The following PLPPR5 variants were observed in gnomAD, a reference collection of about 807,000 sequenced individuals.
PLPPR5 encodes phospholipid phosphatase-related protein type 5.
PLPPR5 carries 16 observed loss-of-function variants against 33.9 expected under a neutral mutation model. The ratio of observed to expected loss-of-function variants is 0.47; its 90% confidence interval spans 0.32 to 0.72. PLPPR5 has a LOEUF of 0.72. Among genes scored for constraint, PLPPR5 ranks in the 30% least tolerant of loss-of-function variants. PLPPR5 has a pLI of 0.03. For synonymous variants in PLPPR5, 163 were observed against 150.3 expected (o/e 1.08, Z -0.62); for missense variants, 301 against 406.7 (o/e 0.74, Z 2.23).
intron 3 of PLPPR5, among the ~76,000 whole-genome samples, chr1:98,947,502 C>G (rs950324646): frequency 6.6e-6 from 1 of 152,166 alleles, no homozygotes; most frequent in South Asian, 2.1e-4. Context: ...ATGTGTGTAA[C>G]TGCAAAACAG....
At chr1:98,921,047 G>A (rs192646587) in intron 4 of PLPPR5, among the ~76,000 whole-genome samples, 1 of 152,200 alleles carries the variant, frequency 6.6e-6, no homozygotes. Flanking sequence ...ATAAACATCA[G>A]TAAGTATTTG....
chr1:98,956,198 T>A (rs1570731332), intron 2 of PLPPR5, among the ~76,000 whole-genome samples: 3 of 152,306 alleles, frequency 2.0e-5, no homozygotes, highest in Admixed American at 2.0e-4. Flanking sequence ...ATAAACACAG[T>A]AATCACGTAA....
At chr1:98,945,500 A>G (rs943768418) in intron 3 of PLPPR5, among the ~76,000 whole-genome samples, 5 of 152,184 alleles carry the variant, frequency 3.3e-5, no homozygotes, top group African/African-American at 1.2e-4. Flanking sequence ...TCCAGGAGGT[A>G]GTGTGATGTA....
chr1:98,929,489 T>C (rs760399263), intron 3 of PLPPR5, among the ~76,000 whole-genome samples: 4 of 152,206 alleles, frequency 2.6e-5, no homozygotes, highest in Non-Finnish European at 4.4e-5. Context: ...ACAGAATTTA[T>C]CCTGTAGCTG....
chr1:98,924,833 T>C (rs948441075), intron 3 of PLPPR5, among the ~76,000 whole-genome samples: 1 of 152,208 alleles, frequency 6.6e-6, no homozygotes, highest in African/African-American at 2.4e-5. Flanking sequence ...ATTTTAGGAA[T>C]AGCCTGGTAT....
At chr1:98,976,492 C>T (rs1461289071) in intron 1 of PLPPR5, among the ~76,000 whole-genome samples, 1 of 151,894 alleles carries the variant, frequency 6.6e-6, no homozygotes, top group Non-Finnish European at 1.5e-5. Context: ...AATGGTATTT[C>T]CTAAACCCAC....
chr1:98,963,713 T>C (rs1651330568), intron 1 of PLPPR5, among the ~76,000 whole-genome samples: 1 of 152,160 alleles, frequency 6.6e-6, no homozygotes, highest in South Asian at 2.1e-4. Context: ...CCTGGAGTCC[T>C]ACCACATTCC....
intron 5 of PLPPR5, among the ~76,000 whole-genome samples, chr1:98,900,728 G>A (rs1050413544): frequency 8.5e-5 from 13 of 152,052 alleles, no homozygotes; most frequent in South Asian, 2.1e-4. Context: ...GAGAAGAATC[G>A]GAGGATGTGG....
chr1:98,936,983 C>A (rs562625696), intron 3 of PLPPR5, among the ~76,000 whole-genome samples: 1 of 152,168 alleles, frequency 6.6e-6, no homozygotes, highest in African/African-American at 2.4e-5. Context: ...TATAGAGAAA[C>A]AGTCTGTAGC....
At chr1:99,005,194 T>G (rs1474737256), upstream of PLPPR5, among the ~76,000 whole-genome samples, 1 of 151,980 alleles carries the variant, frequency 6.6e-6, no homozygotes, top group Non-Finnish European at 1.5e-5. Flanking sequence ...GCAGTAGAGA[T>G]GGAGCTTCCA....
chr1:98,906,027 G>A (rs1043069102), intron 5 of PLPPR5, among the ~76,000 whole-genome samples: 1 of 151,676 alleles, frequency 6.6e-6, no homozygotes, highest in Non-Finnish European at 1.5e-5. Flanking sequence ...ATCAGCCTTG[G>A]GTAGGTAAAC....
chr1:98,995,932 A>G (rs187110307), intron 1 of PLPPR5, among the ~76,000 whole-genome samples: 4 of 152,188 alleles, frequency 2.6e-5, no homozygotes, highest in Admixed American at 1.3e-4. Context: ...GGCATGACCA[A>G]ATTGGCTTGA....
At chr1:98,995,678 T>C (rs1652608008) in intron 1 of PLPPR5, among the ~76,000 whole-genome samples, 1 of 152,058 alleles carries the variant, frequency 6.6e-6, no homozygotes, top group Non-Finnish European at 1.5e-5. Flanking sequence ...ACTGTGGCTG[T>C]GCCCACACTT....
At chr1:98,921,779 ATAC>A (rs1649562857) in intron 4 of PLPPR5, 100 bp downstream of exon 4, 3 of 879,844 alleles carry the variant, frequency 3.4e-6, no homozygotes, top group South Asian at 3.5e-5. Context: ...TTTGTTTGAT[ATAC>A]TACATTTAGA....
At chr1:98,915,393 T>G (rs920932928) in intron 4 of PLPPR5, among the ~76,000 whole-genome samples, 13 of 152,134 alleles carry the variant, frequency 8.5e-5, no homozygotes, top group Non-Finnish European at 1.9e-4. Flanking sequence ...CAGCATCCCT[T>G]AATTAACCTA....
chr1:98,901,006 T>C (rs994150286), intron 5 of PLPPR5, among the ~76,000 whole-genome samples: 3 of 152,174 alleles, frequency 2.0e-5, no homozygotes, highest in African/African-American at 4.8e-5. Flanking sequence ...AAATAAAATA[T>C]GTGTACTCCC....
chr1:98,977,157 T>A (rs1651892373), intron 1 of PLPPR5, among the ~76,000 whole-genome samples: 1 of 152,074 alleles, frequency 6.6e-6, no homozygotes, highest in Non-Finnish European at 1.5e-5. Flanking sequence ...AAATGCCATA[T>A]GATGGAGACT....
At chr1:98,990,418 C>G (rs1256799806) in intron 1 of PLPPR5, among the ~76,000 whole-genome samples, 3 of 151,828 alleles carry the variant, frequency 2.0e-5, no homozygotes, top group Non-Finnish European at 4.4e-5. Flanking sequence ...AAAGCACATA[C>G]CATACTATAT....
chr1:98,936,026 C>T (rs111869388), intron 3 of PLPPR5, among the ~76,000 whole-genome samples: 131 of 152,258 alleles, frequency 8.6e-4, no homozygotes, highest in African/African-American at 3.0e-3. Flanking sequence ...AGAACAGACA[C>T]GGGGGACGTT....
Sources: allele counts gnomAD v4.1 joint callset (sites outside exome capture counted in the v4.1 genomes callset), GRCh38; gene constraint gnomAD v4.1.1; transcripts MANE v1.5; gene names NCBI Gene and HGNC (gene_info 2026-07-23, HGNC 2026-07-21).